STXBP5L: variants seen among roughly 807,000 people sequenced by gnomAD.
STXBP5L encodes the protein syntaxin-binding protein 5-like.
STXBP5L carries 65 observed loss-of-function variants against 144.5 expected under a neutral mutation model. That is an observed-to-expected ratio of 0.45 (90% confidence interval 0.37 to 0.55). The LOEUF (loss-of-function observed/expected upper bound fraction) is 0.55. STXBP5L is among the 20% of genes least tolerant of loss of function. STXBP5L has a pLI of 0.00. For missense variants in STXBP5L, 1,298 were observed against 1,405.5 expected, an observed-to-expected ratio of 0.92 and a Z score of 1.22; for synonymous variants, 505 against 469.6, an observed-to-expected ratio of 1.08 and a Z score of -0.97.
chr3:121,329,927 A>G (rs1266598327), intron 20 of STXBP5L, among the ~76,000 whole-genome samples: 1 of 152,178 alleles, frequency 6.6e-6, no homozygotes, highest in African/African-American at 2.4e-5. Flanking sequence ...AAATCTACAT[A>G]AAGATACACT....
intron 3 of STXBP5L, among the ~76,000 whole-genome samples, chr3:120,976,353 T>C: frequency 6.6e-6 from 1 of 152,236 alleles, no homozygotes; most frequent in Admixed American, 6.5e-5. Flanking sequence ...TAGTATTCTC[T>C]GATAGTAGTT....
intron 5 of STXBP5L, among the ~76,000 whole-genome samples, chr3:121,080,035 AAT>A (rs1368062096): frequency 6.6e-6 from 1 of 152,156 alleles, no homozygotes; most frequent in Non-Finnish European, 1.5e-5. Flanking sequence ...TTAGAATTGT[AAT>A]ATCTTCCTTT....
chr3:121,119,147 A>T (rs1376167142), intron 6 of STXBP5L, among the ~76,000 whole-genome samples: 3 of 151,646 alleles, frequency 2.0e-5, no homozygotes, highest in East Asian at 1.9e-4. Flanking sequence ...GCTCTGAATT[A>T]TGACTTTCTA....
At position 121,311,264 on chromosome 3, in the gene STXBP5L, C is replaced by T. The variant is rs554590800; in HGVS notation, c.2111-7211C>T. 1.6e-4 allele frequency among the ~76,000 whole-genome samples: 24 copies of T among 152,106 alleles called. 1 individual carries two copies. The South Asian group carries it at 2.5e-3, about 16-fold the overall frequency. ...CAATTGGAACTCCCGTAAGTTGCTA[C>T]GGAGAATGCAAAATAGACAGCCCCT... is the stretch of plus-strand genomic sequence containing the variant. On this transcript the variant is annotated intron_variant, in intron 19 of 26. Coordinates refer to ENST00000471454, the MANE Select transcript of STXBP5L (RefSeq NM_001308330.2).
At chr3:121,110,158 C>A (rs2107810154) in intron 5 of STXBP5L, among the ~76,000 whole-genome samples, 1 of 152,202 alleles carries the variant, frequency 6.6e-6, no homozygotes, top group African/African-American at 2.4e-5. Flanking sequence ...TGACTCTTTA[C>A]CAGCTTGCCA....
chr3:121,135,237 A>C (rs1489770555), intron 7 of STXBP5L, among the ~76,000 whole-genome samples: 1 of 152,126 alleles, frequency 6.6e-6, no homozygotes, highest in South Asian at 2.1e-4. Context: ...TCCTTTGCCC[A>C]CTTTTTGACG....
rs142551903 is a variant in STXBP5L, at chr3:121,022,323, G to T, written c.288-19377G>T. 4.5e-3 allele frequency among the ~76,000 whole-genome samples: 688 copies of T among 152,156 alleles called. 4 individuals carry two copies. The highest frequency in any genetic ancestry group is 0.016 in the African/African-American group (656 of 41,532). On this transcript the variant is annotated intron_variant, in intron 3 of 26. Coordinates refer to ENST00000471454, the MANE Select transcript of STXBP5L (RefSeq NM_001308330.2). ...AACAAAAAAAGTCCAGGACCAGATG[G>T]ATTAACAGCTGTATTCTATGAGACA...
Position 121,128,376 on chromosome 3 carries a change from T to C in STXBP5L, c.669+6672T>C, listed in dbSNP as rs1461684461. On this transcript the variant is annotated intron_variant, in intron 7 of 26. Coordinates refer to ENST00000471454, the MANE Select transcript of STXBP5L (RefSeq NM_001308330.2). ...GGATCAGGGGATGATAATGTTAAAA[T>C]GAATGTATTATGTTTGTTCTGGCAA... 2.0e-5 allele frequency among the ~76,000 whole-genome samples: 3 copies of C among 152,126 alleles called. No homozygotes were observed. In the East Asian group the frequency reaches 5.8e-4, roughly 29 times the overall value.
chr3:121,234,771 C>G (rs2049419934), intron 12 of STXBP5L, among the ~76,000 whole-genome samples: 1 of 151,678 alleles, frequency 6.6e-6, no homozygotes, highest in Non-Finnish European at 1.5e-5. Context: ...CTTAGCTGCC[C>G]TATTTATCAA....
chr3:121,208,735 G>A (rs2108243757), intron 10 of STXBP5L, among the ~76,000 whole-genome samples: 1 of 152,080 alleles, frequency 6.6e-6, no homozygotes, highest in Admixed American at 6.6e-5. Flanking sequence ...GTTCCTAGCA[G>A]CTTGTGGTAT....
At chr3:121,162,885 C>A (rs1042617534) in intron 9 of STXBP5L, among the ~76,000 whole-genome samples, 1 of 152,144 alleles carries the variant, frequency 6.6e-6, no homozygotes, top group African/African-American at 2.4e-5. Flanking sequence ...CCATCTCACA[C>A]CAATTAGAAT....
At chr3:120,916,745 A>ATT (rs1709121620) in intron 2 of STXBP5L, among the ~76,000 whole-genome samples, 1 of 152,190 alleles carries the variant, frequency 6.6e-6, no homozygotes, top group African/African-American at 2.4e-5. Context: ...TTTAGAAAGT[A>ATT]AAGATTGGAA....
intron 3 of STXBP5L, among the ~76,000 whole-genome samples, chr3:121,001,991 C>G (rs1439649950): frequency 1.3e-5 from 2 of 152,170 alleles, no homozygotes; most frequent in South Asian, 2.1e-4. Flanking sequence ...CATATTATGG[C>G]TATAATGAAT....
intron 5 of STXBP5L, among the ~76,000 whole-genome samples, chr3:121,074,651 C>A (rs1057018675): frequency 3.9e-5 from 6 of 152,116 alleles, no homozygotes; most frequent in African/African-American, 1.4e-4. Flanking sequence ...TTCCCGCTGG[C>A]AAAATGCATC....
chr3:121,093,642 T>C (rs968100231), intron 5 of STXBP5L, among the ~76,000 whole-genome samples: 1 of 152,084 alleles, frequency 6.6e-6, no homozygotes, highest in Non-Finnish European at 1.5e-5. Context: ...TTTTTCTTGC[T>C]TCTATTTGAT....
At chr3:120,958,928 TAA>T (rs1330161257) in intron 3 of STXBP5L, among the ~76,000 whole-genome samples, 2 of 152,092 alleles carry the variant, frequency 1.3e-5, no homozygotes, top group Non-Finnish European at 1.5e-5. Context: ...GAGAAGGAAA[TAA>T]AGAGTATTCA....
chr3:121,360,807 G>T lies in STXBP5L; in HGVS notation c.2177-17909G>T, dbSNP rs59066931. On this transcript the variant is annotated intron_variant, in intron 20 of 26. Coordinates refer to ENST00000471454, the MANE Select transcript of STXBP5L (RefSeq NM_001308330.2). ...TTTCATCATTTAGTCTTTCTACTTA[G>T]GATAAGAGTAGTTTACACACCACAG... Among the ~76,000 whole-genome samples, 1,248 of 152,074 alleles carry T rather than the reference G, an allele frequency of 8.2e-3. 11 individuals carry two copies. Among genetic ancestry groups the T allele is most frequent in the African/African-American group, 0.029 (1,202 of 41,514 alleles).
At chr3:121,351,896 A>C (rs2045298065) in intron 20 of STXBP5L, among the ~76,000 whole-genome samples, 6 of 152,110 alleles carry the variant, frequency 3.9e-5, no homozygotes, top group African/African-American at 1.5e-4. Flanking sequence ...TCAGCTTTTT[A>C]CAGATGGCTA....
chr3:121,378,620 T>C, intron 20 of STXBP5L, 96 bp from the exon 21 acceptor site: 1 of 1,282,392 alleles, frequency 7.8e-7, no homozygotes, highest in Non-Finnish European at 1.0e-6. Context: ...AATAAAGGAA[T>C]TGTTGCTCAT....
Sources: gnomAD v4.1 joint callset for allele counts (sites outside exome capture counted in the v4.1 genomes callset) on GRCh38, gnomAD v4.1.1 for gene constraint, MANE v1.5 for transcripts, NCBI Gene and HGNC (gene_info 2026-07-23, HGNC 2026-07-21) for gene names.